FLT3: variants seen among roughly 807,000 people sequenced by gnomAD.
The protein encoded by FLT3 is fms related receptor tyrosine kinase 3, also known as receptor-type tyrosine-protein kinase FLT3.
A neutral mutation model predicts 126.6 loss-of-function variants in FLT3; 46 were observed. The ratio of observed to expected loss-of-function variants is 0.36; its 90% confidence interval spans 0.29 to 0.46. The LOEUF is 0.46. FLT3 is among the 20% of genes least tolerant of loss of function. The pLI, the probability that FLT3 is intolerant of heterozygous loss-of-function variation, is 1.00. For missense variants in FLT3, 1,069 were observed against 1,190.3 expected, an observed-to-expected ratio of 0.90 and a Z score of 1.50; for synonymous variants, 404 against 434.4, an observed-to-expected ratio of 0.93 and a Z score of 0.87.
chr13:28,036,185 C>T, intron 10 of FLT3, 142 bp from the exon 11 acceptor site: 1 of 666,804 alleles, frequency 1.5e-6, no homozygotes, highest in Admixed American at 2.6e-5. Context: ...CAGCAAGACC[C>T]TGTCTCTGAA....
chr13:28,022,407 A>G (rs1872477240), intron 19 of FLT3, among the ~76,000 whole-genome samples: 1 of 151,974 alleles, frequency 6.6e-6, no homozygotes, highest in African/African-American at 2.4e-5. Flanking sequence ...AGCTACACGG[A>G]AGGCCGAGGC....
chr13:28,014,733 T>C (rs1871688310), intron 22 of FLT3, among the ~76,000 whole-genome samples, 176 bp from the exon 23 acceptor site: 1 of 152,174 alleles, frequency 6.6e-6, no homozygotes, highest in African/African-American at 2.4e-5. Flanking sequence ...AGAAATCAGA[T>C]GGGCAGAAAT....
chr13:28,035,368 A>G lies in FLT3; in HGVS notation c.1597+127T>C, dbSNP rs556872158. 6.6e-4 allele frequency: 572 copies of G among 871,052 alleles called. 5 individuals carry two copies. The South Asian group carries it at 7.5e-3, about 11-fold the overall frequency. The allele number at this position is 871,052 out of a possible 1,614,324, so 54.0% of individuals were successfully genotyped here. ...TCTCTGGGGATTCTTGCCTGACTCA[A>G]GAAACCTTTTCTCACACACTGACCC... is the stretch of plus-strand genomic sequence containing the variant. On this transcript the variant is annotated intron_variant, in intron 12 of 23. Coordinates refer to ENST00000241453, the MANE Select transcript of FLT3 (RefSeq NM_004119.3).
intron 1 of FLT3, among the ~76,000 whole-genome samples, chr13:28,076,343 G>A (rs1877927460): frequency 6.6e-6 from 1 of 152,090 alleles, no homozygotes; most frequent in African/African-American, 2.4e-5. Flanking sequence ...TCATATATTT[G>A]TATATGAAAG....
At position 28,028,191 on chromosome 13, in the gene FLT3, C is replaced by T. The variant is rs574362246; in HGVS notation, c.2040G>A (p.Ala680=). ...SHENIVNLLG[A]CTLSGPIYLI... is the part of the protein sequence containing the mutation. ...GAAGTGGGTTACCTGACAGTGTGCA[C>T]GCCCCCAGCAGGTTCACAATATTCT... The change falls in exon 16 of 24, where the codon GCG becomes GCA. Residue 680 remains alanine, a synonymous_variant. Transcript: ENST00000241453. The T allele has an allele frequency of 1.5e-5, 24 of 1,588,864 alleles. No homozygotes were observed. The highest frequency in any genetic ancestry group is 6.6e-5 in the South Asian group (6 of 90,550).
At chr13:28,060,161 G>A (rs1451398220) in intron 3 of FLT3, among the ~76,000 whole-genome samples, 1 of 150,456 alleles carries the variant, frequency 6.6e-6, no homozygotes, top group Non-Finnish European at 1.5e-5. Flanking sequence ...TTGGGAGGCT[G>A]AGGTGAGTGG....
chr13:28,039,395 G>A (rs1272082858), intron 9 of FLT3, among the ~76,000 whole-genome samples: 2 of 151,750 alleles, frequency 1.3e-5, no homozygotes, highest in Non-Finnish European at 2.9e-5. Context: ...TAGAGATGGG[G>A]TTTCACCATG....
intron 2 of FLT3, among the ~76,000 whole-genome samples, chr13:28,063,402 C>A (rs1478334966): frequency 6.6e-6 from 1 of 152,138 alleles, no homozygotes; most frequent in Non-Finnish European, 1.5e-5. Context: ...ATCACTTGAA[C>A]CTGGGAGATG....
At chr13:28,079,586 C>T (rs1878187561) in intron 1 of FLT3, among the ~76,000 whole-genome samples, 1 of 152,144 alleles carries the variant, frequency 6.6e-6, no homozygotes, top group Non-Finnish European at 1.5e-5. Flanking sequence ...TTTAATTGGG[C>T]TTACAGTTCC....
chr13:28,015,168 A>G lies in FLT3; in HGVS notation c.2742T>C (p.Ala914=), dbSNP rs1871728680. The change falls in exon 22 of 24, where the codon GCT becomes GCC. Residue 914 remains alanine, a synonymous_variant. Coordinates refer to ENST00000241453, the MANE Select transcript of FLT3 (RefSeq NM_004119.3). ...NGFKMDQPFY[A]TEEIYIIMQS... ...TGACTTGAACTTACATTTCTTCTGTAGCATAAAATGGCTGATCCATTTTAA... is the reference window on the plus strand; with the variant it reads ...TGACTTGAACTTACATTTCTTCTGTGGCATAAAATGGCTGATCCATTTTAA... 3 of 1,588,308 alleles carry G rather than the reference A, an allele frequency of 1.9e-6. No individual in the cohort carries two copies. The highest frequency in any genetic ancestry group is 1.1e-5 in the South Asian group (1 of 90,296).
chr13:28,079,963 T>C (rs1878210364), intron 1 of FLT3, among the ~76,000 whole-genome samples: 1 of 152,120 alleles, frequency 6.6e-6, no homozygotes, highest in Non-Finnish European at 1.5e-5. Context: ...TTTTTCACAA[T>C]CATGTCTTGT....
At chr13:28,052,491 G>A in intron 5 of FLT3, 54 bp downstream of exon 5, 1 of 1,538,968 alleles carries the variant, frequency 6.5e-7, no homozygotes. Flanking sequence ...AACTACATTA[G>A]AAAAAGGCCA....
At chr13:28,048,965 A>G (rs901668152) in intron 8 of FLT3, among the ~76,000 whole-genome samples, 5 of 152,296 alleles carry the variant, frequency 3.3e-5, no homozygotes, top group Non-Finnish European at 7.4e-5. Context: ...CAGTGCATCT[A>G]AGGGCTTGTA....
At chr13:28,015,724 A>G (rs747294213) in intron 20 of FLT3, 23 bp from the exon 21 acceptor site, 8 of 1,438,988 alleles carry the variant, frequency 5.6e-6, no homozygotes, top group Non-Finnish European at 7.8e-6. Flanking sequence ...CAGAGGAGAT[A>G]AGATGGTGAA....
At chr13:28,076,096 C>T (rs1419380036) in intron 1 of FLT3, among the ~76,000 whole-genome samples, 1 of 152,082 alleles carries the variant, frequency 6.6e-6, no homozygotes, top group East Asian at 1.9e-4. Context: ...TGCACATGGC[C>T]CTTCATAGCA....
intron 1 of FLT3, among the ~76,000 whole-genome samples, chr13:28,080,828 A>G (rs1268278777): frequency 1.3e-5 from 2 of 152,252 alleles, no homozygotes; most frequent in East Asian, 1.9e-4. Context: ...ACATTATGAC[A>G]TATGGATCAA....
At chr13:28,021,902 T>C (rs554106646) in intron 19 of FLT3, among the ~76,000 whole-genome samples, 104 of 151,770 alleles carry the variant, frequency 6.9e-4, no homozygotes, top group Non-Finnish European at 5.3e-4. Context: ...GCCACCACAC[T>C]CGGCTAATTT....
chr13:28,082,763 G>C (rs1358467895), intron 1 of FLT3, among the ~76,000 whole-genome samples: 1 of 152,186 alleles, frequency 6.6e-6, no homozygotes, highest in East Asian at 1.9e-4. Context: ...GAGTGCAGTG[G>C]CGCGATCTCA....
intron 9 of FLT3, among the ~76,000 whole-genome samples, chr13:28,037,916 C>T (rs1873992220): frequency 6.6e-6 from 1 of 152,108 alleles, no homozygotes; most frequent in Admixed American, 6.5e-5. Flanking sequence ...ATCTAATCCC[C>T]GATGATCTGA....
Sources: allele counts gnomAD v4.1 joint callset (sites outside exome capture counted in the v4.1 genomes callset), GRCh38; gene constraint gnomAD v4.1.1; transcripts MANE v1.5; gene names NCBI Gene and HGNC (gene_info 2026-07-23, HGNC 2026-07-21).